MYRIP: variants seen among roughly 807,000 people sequenced by gnomAD.
MYRIP encodes myosin VIIA and Rab interacting protein.
MYRIP carries 49 observed loss-of-function variants against 98.0 expected under a neutral mutation model. The observed-to-expected ratio is 0.50, with a 90% CI of 0.40 to 0.63. The LOEUF (loss-of-function observed/expected upper bound fraction) is 0.63, where lower values mean the gene tolerates loss of function less well. MYRIP is among the 30% of genes least tolerant of loss of function. The probability of loss-of-function intolerance (pLI) is 0.00; values close to 1 mark genes in which losing one functional copy is unlikely to be tolerated. For synonymous variants in MYRIP, 404 were observed against 409.5 expected (o/e 0.99, Z 0.16); for missense variants, 1,004 against 1,058.2 (o/e 0.95, Z 0.71).
intron 1 of MYRIP, among the ~76,000 whole-genome samples, chr3:39,890,797 A>G (rs978852560): frequency 6.6e-6 from 1 of 152,048 alleles, no homozygotes; most frequent in Non-Finnish European, 1.5e-5. Flanking sequence ...GATTCCTTGT[A>G]TAATTGTCGC....
intron 11 of MYRIP, 40 bp downstream of exon 11, chr3:40,210,133 T>C (rs1433075888): frequency 6.3e-7 from 1 of 1,598,000 alleles, no homozygotes; most frequent in East Asian, 2.2e-5. Flanking sequence ...CTCAAGCTTC[T>C]GCAGTGGGGT....
At chr3:40,223,988 AG>A (rs11312948) in intron 11 of MYRIP, among the ~76,000 whole-genome samples, 61,214 of 151,904 alleles carry the variant, frequency 0.4, 14,997 homozygotes, top group Non-Finnish European at 0.55. Flanking sequence ...ATCTAAAGGA[AG>A]GGCTTTCCAG....
chr3:40,145,203 C>G (rs1240703743), intron 3 of MYRIP, among the ~76,000 whole-genome samples: 1 of 152,114 alleles, frequency 6.6e-6, no homozygotes, highest in Non-Finnish European at 1.5e-5. Context: ...AGCACCCGTA[C>G]CCATGTGCCT....
rs191232152 is a variant in MYRIP at position 40,214,286 on chromosome 3, G to A, written c.1905+4193G>A. 2.1e-3 allele frequency among the ~76,000 whole-genome samples: 323 copies of A among 152,142 alleles called. 2 individuals are homozygous for A. The highest frequency in any genetic ancestry group is 3.4e-3 in the Middle Eastern group (1 of 294). ...TTGCCTCACACAGAGGGGGAGCTCA[G>A]CCAGGGCCTCCATCACTGTCCCTGC... On this transcript the variant is annotated intron_variant, in intron 11 of 16. Coordinates refer to ENST00000302541, the MANE Select transcript of MYRIP (RefSeq NM_015460.4).
intron 2 of MYRIP, among the ~76,000 whole-genome samples, chr3:39,968,757 G>T (rs921989613): frequency 2.8e-4 from 43 of 152,140 alleles, no homozygotes; most frequent in African/African-American, 9.9e-4. Flanking sequence ...CAAGTAACAT[G>T]ATACCTCCAG....
chr3:39,876,333 C>A (rs1256129244), intron 1 of MYRIP, among the ~76,000 whole-genome samples: 1 of 152,138 alleles, frequency 6.6e-6, no homozygotes, highest in Admixed American at 6.5e-5. Context: ...AGCATTTAGC[C>A]CATTTACATT....
At chr3:40,204,199 AT>A (rs1951726558) in intron 10 of MYRIP, among the ~76,000 whole-genome samples, 1 of 33,106 alleles carries the variant, frequency 3.0e-5, no homozygotes, top group Admixed American at 6.6e-4. Context: ...TAAATATTAT[AT>A]TATATATTTA....
chr3:39,900,874 C>T lies in MYRIP; in HGVS notation c.58C>T (p.Gln20Ter), dbSNP rs749145946. 5.6e-6 allele frequency: 9 copies of T among 1,613,788 alleles called. No individual in the cohort carries two copies. The South Asian group carries it at 9.9e-5, about 18-fold the overall frequency. Residue 20 changes from glutamine to a stop codon, truncating the protein, a stop_gained, in exon 2 of 17, where the codon CAG becomes TAG. Transcript: ENST00000302541. LOFTEE classifies it high-confidence loss of function. ...TGATGATGAAACAGAGCATGTTCTT[C>T]AGGTGGTTCAAAGAGACTTCAATCT... ...LTDDETEHVL[Q>*]VVQRDFNLRK...
At chr3:39,830,845 TAAA>T (rs1309399479) in intron 1 of MYRIP, among the ~76,000 whole-genome samples, 1 of 152,152 alleles carries the variant, frequency 6.6e-6, no homozygotes, top group Non-Finnish European at 1.5e-5. Context: ...AAAAAACTGC[TAAA>T]AAAGAGTTGT....
intron 3 of MYRIP, among the ~76,000 whole-genome samples, chr3:40,094,648 G>A (rs991664112): frequency 1.3e-5 from 2 of 152,104 alleles, no homozygotes; most frequent in African/African-American, 4.8e-5. Flanking sequence ...TAGGTGTTTG[G>A]GAATCCCATT....
chr3:40,181,527 G>A (rs912228239), intron 8 of MYRIP, among the ~76,000 whole-genome samples: 1 of 152,086 alleles, frequency 6.6e-6, no homozygotes, highest in African/African-American at 2.4e-5. Context: ...TCCTTCTTAA[G>A]ATTACCAATG....
At chr3:40,214,511 G>A (rs1020389787) in intron 11 of MYRIP, among the ~76,000 whole-genome samples, 1 of 152,200 alleles carries the variant, frequency 6.6e-6, no homozygotes, top group Non-Finnish European at 1.5e-5. Context: ...CCTACAGTTG[G>A]ATTAAATGTC....
chr3:39,918,888 A>C (rs930442963), intron 2 of MYRIP, among the ~76,000 whole-genome samples: 1 of 152,066 alleles, frequency 6.6e-6, no homozygotes, highest in Non-Finnish European at 1.5e-5. Context: ...CCTCAGGGAG[A>C]CTAGATGGTA....
chr3:40,132,139 A>G (rs1418205288), intron 3 of MYRIP, among the ~76,000 whole-genome samples: 2 of 152,160 alleles, frequency 1.3e-5, no homozygotes, highest in Non-Finnish European at 2.9e-5. Context: ...GGAATTAGGG[A>G]AGACATTGAG....
intron 3 of MYRIP, among the ~76,000 whole-genome samples, chr3:40,050,033 A>G (rs558520250): frequency 6.6e-6 from 1 of 152,324 alleles, no homozygotes; most frequent in African/African-American, 2.4e-5. Context: ...GTTTAAGGAA[A>G]GAAGCCATCT....
At chr3:39,983,209 A>G (rs1462094164) in intron 2 of MYRIP, among the ~76,000 whole-genome samples, 2 of 152,228 alleles carry the variant, frequency 1.3e-5, no homozygotes, top group Non-Finnish European at 2.9e-5. Context: ...TATCCCTGCC[A>G]GTGCCTGTGC....
intron 2 of MYRIP, among the ~76,000 whole-genome samples, chr3:39,941,479 T>C (rs115651324): frequency 0.022 from 3,257 of 151,140 alleles, 47 homozygotes; most frequent in Non-Finnish European, 0.035. Flanking sequence ...ATACAGTCTT[T>C]TAAAAATGTA....
chr3:40,227,295 C>A (rs1211520157), intron 11 of MYRIP, among the ~76,000 whole-genome samples: 1 of 152,094 alleles, frequency 6.6e-6, no homozygotes, highest in East Asian at 1.9e-4. Context: ...ACCTTGTTTT[C>A]ATTGCATATC....
At position 40,190,468 on chromosome 3, in the gene MYRIP, T is replaced by C. The variant is rs767905128; in HGVS notation, c.1665+5T>C. 7 of 1,571,448 alleles carry C rather than the reference T, an allele frequency of 4.5e-6. No homozygotes were observed. In the Admixed American group the frequency reaches 5.5e-5, roughly 12 times the overall value. On this transcript the variant is annotated splice_donor_5th_base_variant and intron_variant, in intron 10 of 16. Coordinates refer to ENST00000302541, the MANE Select transcript of MYRIP (RefSeq NM_015460.4). ...CGGGATCTAGACACACATCAGGTAATGGAAGTGCATGCGTGCAAATGCACA... is the reference window on the plus strand; with the variant it reads ...CGGGATCTAGACACACATCAGGTAACGGAAGTGCATGCGTGCAAATGCACA...
Sources: gnomAD v4.1 joint callset for allele counts (sites outside exome capture counted in the v4.1 genomes callset) on GRCh38, gnomAD v4.1.1 for gene constraint, MANE v1.5 for transcripts, NCBI Gene and HGNC (gene_info 2026-07-23, HGNC 2026-07-21) for gene names.